SLC6A13: variants seen among roughly 807,000 people sequenced by gnomAD.
The protein encoded by SLC6A13 is sodium- and chloride-dependent GABA transporter 2.
A neutral mutation model predicts 72.9 loss-of-function variants in SLC6A13; 69 were observed. The ratio of observed to expected loss-of-function variants is 0.95; its 90% CI spans 0.78 to 1.16. The LOEUF is 1.16. Among genes scored for constraint, SLC6A13 ranks in the 50% most tolerant of loss-of-function variants. The pLI is 0.00. For synonymous variants in SLC6A13, 303 were observed against 303.0 expected (o/e 1.00, Z 0.00); for missense variants, 735 against 760.5 (o/e 0.97, Z 0.39).
intron 1 of SLC6A13, 70 bp downstream of exon 1, chr12:262,718 TC>T: frequency 4.1e-6 from 4 of 984,448 alleles, no homozygotes; most frequent in Non-Finnish European, 4.8e-6. Context: ...TGGTTGTAAG[TC>T]CCATGGATCC....
chr12:221,104 G>T, intron 14 of SLC6A13, 34 bp from the exon 15 acceptor site: 1 of 1,559,300 alleles, frequency 6.4e-7, no homozygotes. Context: ...GTCAGGTGGT[G>T]GAGCGGGGGC....
At chr12:242,583 G>A in intron 4 of SLC6A13, 31 bp downstream of exon 4, 3 of 1,601,308 alleles carry the variant, frequency 1.9e-6, no homozygotes, top group Non-Finnish European at 2.6e-6. Context: ...AGAACGAGAG[G>A]AGGAAGTGGA....
chr12:226,287 G>A, intron 9 of SLC6A13, 103 bp downstream of exon 9: 1 of 1,410,380 alleles, frequency 7.1e-7, no homozygotes, highest in Non-Finnish European at 1.0e-6. Context: ...GGTGGCCGTA[G>A]CTCACCCAGA....
chr12:221,007 C>T lies in SLC6A13; in HGVS notation c.1750G>A (p.Ala584Thr), dbSNP rs1391723763. ...LPQRNPAGPSAPATPRTSLLR... is the reference protein window; with the variant it reads ...LPQRNPAGPSTPATPRTSLLR... ...AGTGAGGTCCTGGGGGTGGCGGGAG[C>T]CGAGGGTCCTGCTGGGTTCCGCTGG... The change falls in exon 15 of 15, where the codon GCT becomes ACT. Residue 584 changes from alanine (A) to threonine (T), a missense_variant. Coordinates refer to ENST00000343164, the MANE Select transcript of SLC6A13 (RefSeq NM_016615.5). The T allele has an allele frequency of 1.2e-6, 2 of 1,612,400 alleles. No individual in the cohort carries two copies. The highest frequency in any genetic ancestry group is 2.7e-5 in the African/African-American group (2 of 74,912).
chr12:239,069 C>G (rs937027629), intron 4 of SLC6A13, among the ~76,000 whole-genome samples: 6 of 150,290 alleles, frequency 4.0e-5, no homozygotes, highest in African/African-American at 1.2e-4. Flanking sequence ...GCCACCTGCT[C>G]TACCACGTCC....
chr12:259,547 G>T, intron 2 of SLC6A13: 4 of 1,373,528 alleles, frequency 2.9e-6, no homozygotes, highest in Non-Finnish European at 3.8e-6. Context: ...GAGAGCTTAA[G>T]TAACTTGTCC....
intron 4 of SLC6A13, chr12:238,279 C>G: frequency 6.9e-7 from 1 of 1,447,336 alleles, no homozygotes; most frequent in African/African-American, 1.4e-5. Context: ...GAAAGGTGCT[C>G]TTCAGGTCAG....
In SLC6A13 at chr12:220,778, G is replaced by T; in HGVS notation, c.*170C>A. The T allele has an allele frequency of 1.4e-6, 1 of 715,506 alleles. No homozygotes were observed. Among genetic ancestry groups the T allele is most frequent in the Non-Finnish European group, 2.3e-6 (1 of 441,536 alleles). 44.3% of individuals were successfully genotyped at this position (715,506 alleles called of 1,614,324 possible). On this transcript the variant is annotated 3_prime_UTR_variant, in exon 15 of 15. Transcript: ENST00000343164. ...ACATCTGTTCAACAACCCCTGAGCTGAAAAGTTGCAGTGGGAGGCCTCCAG... is the reference window on the plus strand; with the variant it reads ...ACATCTGTTCAACAACCCCTGAGCTTAAAAGTTGCAGTGGGAGGCCTCCAG...
intron 2 of SLC6A13, among the ~76,000 whole-genome samples, chr12:244,270 C>T (rs1942271835): frequency 1.3e-5 from 2 of 152,144 alleles, no homozygotes; most frequent in African/African-American, 2.4e-5. Context: ...CCCTAAAGTT[C>T]GTGGTTGGAA....
rs116592373 is a variant in SLC6A13, at chr12:233,223, C to T, written c.831+1867G>A. ...CCAGGAGGCAGAGGCAGGGCATAACCGGGTAACAACACTTCAGGGCCTCTG... is the reference window on the plus strand; with the variant it reads ...CCAGGAGGCAGAGGCAGGGCATAACTGGGTAACAACACTTCAGGGCCTCTG... On this transcript the variant is annotated intron_variant, in intron 7 of 14. Transcript: ENST00000343164. 3.0e-3 allele frequency among the ~76,000 whole-genome samples: 450 copies of T among 152,300 alleles called. 2 individuals are homozygous for T. The highest frequency in any genetic ancestry group is 8.9e-3 in the African/African-American group (372 of 41,568).
At chr12:251,332 T>C (rs950023223) in intron 2 of SLC6A13, among the ~76,000 whole-genome samples, 1 of 152,140 alleles carries the variant, frequency 6.6e-6, no homozygotes, top group African/African-American at 2.4e-5. Flanking sequence ...TACAAATAAC[T>C]CATTTTTGAT....
At chr12:236,894 C>A in intron 6 of SLC6A13, 1 of 347,844 alleles carries the variant, frequency 2.9e-6, no homozygotes, top group Non-Finnish European at 5.2e-6. Context: ...GTTCAATTTG[C>A]AATGTGCCCA....
intron 3 of SLC6A13, 30 bp downstream of exon 3, chr12:243,649 C>T (rs370287041): frequency 2.9e-5 from 47 of 1,600,274 alleles, no homozygotes; most frequent in African/African-American, 8.1e-5. Flanking sequence ...CGAATGAAGA[C>T]GCTTTGGAGT....
chr12:257,603 C>A (rs1942787842), intron 2 of SLC6A13, among the ~76,000 whole-genome samples: 1 of 152,272 alleles, frequency 6.6e-6, no homozygotes, highest in Admixed American at 6.5e-5. Flanking sequence ...CCTGCTGCCT[C>A]CACCTCCCCA....
rs1157449006 is a variant in SLC6A13, at chr12:226,608, G to C, written c.936-94C>G. The stretch of plus-strand genomic sequence containing the variant: ...CTGTCTGGGAGCACAGCCCCTCCTG[G>C]CGGACACTGTCCTGGCCCCTTCACG... On this transcript the variant is annotated intron_variant, in intron 8 of 14. Coordinates refer to ENST00000343164, the MANE Select transcript of SLC6A13 (RefSeq NM_016615.5). 3.4e-6 allele frequency: 5 copies of C among 1,466,304 alleles called. No individual in the cohort carries two copies. In the African/African-American group the frequency reaches 7.0e-5, roughly 20 times the overall value. The allele number at this position is 1,466,304 out of a possible 1,614,324, so 90.8% of individuals were successfully genotyped here. A position where few individuals can be genotyped will look rare whatever the true frequency, so the allele number is the denominator to read the frequency against.
intron 8 of SLC6A13, chr12:226,858 C>T: frequency 5.0e-6 from 1 of 200,314 alleles, no homozygotes; most frequent in Non-Finnish European, 1.0e-5. Context: ...CACCACTCTG[C>T]CATCATCCCA....
intron 2 of SLC6A13, among the ~76,000 whole-genome samples, chr12:255,418 G>A (rs952798966): frequency 6.6e-6 from 1 of 151,638 alleles, no homozygotes. Flanking sequence ...ATGACTGTCC[G>A]GGCGCAGTGG....
intron 2 of SLC6A13, among the ~76,000 whole-genome samples, chr12:258,227 T>C (rs560600097): frequency 6.6e-6 from 1 of 152,258 alleles, no homozygotes; most frequent in South Asian, 2.1e-4. Flanking sequence ...CCCATTTTCA[T>C]CCCTCTGGAA....
intron 2 of SLC6A13, among the ~76,000 whole-genome samples, chr12:247,228 C>G (rs559760724): frequency 6.7e-6 from 1 of 149,800 alleles, no homozygotes; most frequent in East Asian, 2.0e-4. Context: ...AAAAGTTCAA[C>G]AAACACCAAG....
Sources: allele counts gnomAD v4.1 joint callset (sites outside exome capture counted in the v4.1 genomes callset), GRCh38; gene constraint gnomAD v4.1.1; transcripts MANE v1.5; gene names NCBI Gene and HGNC (gene_info 2026-07-23, HGNC 2026-07-21).